The following ABCC6 variants were observed in gnomAD, a reference collection of about 807,000 sequenced individuals.
ABCC6 encodes the protein ATP-binding cassette sub-family C member 6.
In ABCC6, 126 loss-of-function variants were observed where a neutral mutation model predicts 169.5. The ratio of observed to expected loss-of-function variants is 0.74; its 90% CI spans 0.64 to 0.86. ABCC6 has a LOEUF of 0.86. Ranked by LOEUF, ABCC6 falls within the 40% of genes least tolerant of loss-of-function variation. The pLI is 0.00. For missense variants in ABCC6, 1,733 were observed against 1,927.2 expected, an observed-to-expected ratio of 0.90 and a Z score of 1.89; for synonymous variants, 752 against 814.7, an observed-to-expected ratio of 0.92 and a Z score of 1.31.
intron 29 of ABCC6, among the ~76,000 whole-genome samples, chr16:16,152,915 G>C (rs907847204): frequency 2.9e-5 from 4 of 138,096 alleles, no homozygotes; most frequent in Admixed American, 2.9e-4. Context: ...TGTTTTTTTT[G>C]AGACGGAGTC....
chr16:16,188,665 C>T (rs1021894298), intron 13 of ABCC6, among the ~76,000 whole-genome samples, 166 bp downstream of exon 13: 10 of 152,188 alleles, frequency 6.6e-5, no homozygotes, highest in African/African-American at 2.2e-4. Flanking sequence ...TACTCTCTGC[C>T]CGCCTCTGTT....
At chr16:16,172,225 A>C (rs1206964157) in intron 21 of ABCC6, among the ~76,000 whole-genome samples, 3 of 144,462 alleles carry the variant, frequency 2.1e-5, no homozygotes, top group Non-Finnish European at 4.6e-5. Context: ...AGTGGGATGG[A>C]TAAATGGGTG....
chr16:16,173,142 T>C, intron 21 of ABCC6, 142 bp downstream of exon 21: 1 of 1,096,888 alleles, frequency 9.1e-7, no homozygotes, highest in Non-Finnish European at 1.3e-6. Flanking sequence ...ATTAAGAAAA[T>C]GAACATCTAG....
chr16:16,175,950 C>T lies in ABCC6; in HGVS notation c.2627G>A (p.Gly876Asp), dbSNP rs149081681. Reference sequence around the variant, plus strand: ...CTCGGGCCTCCTGCCTGCAGAGGTGCCTCTGGGGTCCTTGGTGCTGGTCCC... The same window carrying T: ...CTCGGGCCTCCTGCCTGCAGAGGTGTCTCTGGGGTCCTTGGTGCTGGTCCC... ...EPGTSTKDPR[G>D]TSAGRRPELR... Residue 876 changes from glycine (G) to aspartate (D), a missense_variant, in exon 20 of 31, where the codon GGC becomes GAC. Transcript: ENST00000205557. 1.9e-6 allele frequency: 3 copies of T among 1,614,018 alleles called. No homozygotes were observed. The African/African-American group carries it at 4.0e-5, about 22-fold the overall frequency.
At chr16:16,159,987 A>G (rs111429714) in intron 25 of ABCC6, among the ~76,000 whole-genome samples, 1 of 151,934 alleles carries the variant, frequency 6.6e-6, no homozygotes. Context: ...GAACCACTCC[A>G]AGCTCCTCCC....
intron 19 of ABCC6, 101 bp downstream of exon 19, chr16:16,177,351 G>A (rs1248412084): frequency 1.5e-6 from 2 of 1,361,218 alleles, no homozygotes; most frequent in African/African-American, 1.4e-5. Context: ...CAGACAGGGT[G>A]TGGCCAGAGC....
chr16:16,208,827 C>T lies in ABCC6; in HGVS notation c.695G>A (p.Arg232Lys). 9 of 1,613,448 alleles carry T rather than the reference C, an allele frequency of 5.6e-6. No homozygotes were observed. The South Asian group carries it at 8.8e-5, about 16-fold the overall frequency. Reference sequence around the variant, plus strand: ...CCCAAGCGACCAGAGGTCTTTTGGTCTCAGTGGCCTCCTGTATCCCCTCCA... The same window carrying T: ...CCCAAGCGACCAGAGGTCTTTTGGTTTCAGTGGCCTCCTGTATCCCCTCCA... ...LVWRGYRRPL[R>K]PKDLWSLGRE... The change falls in exon 7 of 31, where the codon AGA becomes AAA. Residue 232 changes from arginine (R) to lysine (K), a missense_variant. Arg to Lys is a conservative substitution (Grantham distance 26). Around this residue, in one of 5 missense-constraint regions of ABCC6, gnomAD observed 49 missense variants for 85.8 expected, o/e 0.57. Coordinates refer to ENST00000205557, the MANE Select transcript of ABCC6 (RefSeq NM_001171.6).
chr16:16,198,134 C>T lies in ABCC6; in HGVS notation c.1225G>A (p.Val409Met). 5 of 1,611,126 alleles carry T rather than the reference C, an allele frequency of 3.1e-6. No individual in the cohort carries two copies. Among genetic ancestry groups the T allele is most frequent in the Non-Finnish European group, 3.4e-6 (4 of 1,178,720 alleles). The change falls in exon 10 of 31, where the codon GTG becomes ATG. Residue 409 changes from valine to methionine, a missense_variant. Physicochemically the swap from Val to Met is conservative, Grantham distance 21. Transcript: ENST00000205557. ...GSRKASAVGD[V>M]VNLVSVDVQR... ...ACGTCCACGGACACCAGATTGACCA[C>T]ATCACCCACCGCACTGGCCTTTCTG...
At chr16:16,202,531 A>C (rs1165970519) in intron 8 of ABCC6, among the ~76,000 whole-genome samples, 1 of 150,346 alleles carries the variant, frequency 6.7e-6, no homozygotes, top group Non-Finnish European at 1.5e-5. Context: ...AATGAAGTTA[A>C]AAATGAGGTC....
chr16:16,151,349 C>T (rs1567461416), intron 29 of ABCC6, among the ~76,000 whole-genome samples: 4 of 152,360 alleles, frequency 2.6e-5, no homozygotes, highest in Admixed American at 1.3e-4. Flanking sequence ...AGCCACTGCG[C>T]CCCGGTAGTT....
chr16:16,196,489 C>T lies in ABCC6; in HGVS notation c.1338+1532G>A, dbSNP rs141629428. Among the ~76,000 whole-genome samples, 685 of 152,296 alleles carry T rather than the reference C, an allele frequency of 4.5e-3. 5 individuals carry two copies. The highest frequency in any genetic ancestry group is 0.016 in the African/African-American group (653 of 41,562). On this transcript the variant is annotated intron_variant, in intron 10 of 30. Transcript: ENST00000205557. ...CTACAGGGTGCAGTTGTGTGCCCGG[C>T]ACCCTTTTAAGTGCTTTCTACATAT...
At chr16:16,198,657 C>T (rs935411854) in intron 9 of ABCC6, among the ~76,000 whole-genome samples, 3 of 150,976 alleles carry the variant, frequency 2.0e-5, no homozygotes, top group East Asian at 2.0e-4. Context: ...GAAACCAGCC[C>T]GCGCGACATA....
At chr16:16,172,229 ATGGG>A (rs2047123290) in intron 21 of ABCC6, among the ~76,000 whole-genome samples, 1 of 144,758 alleles carries the variant, frequency 6.9e-6, no homozygotes, top group Non-Finnish European at 1.5e-5. Flanking sequence ...GGATGGATAA[ATGGG>A]TGGGTGGGAT....
At chr16:16,201,757 G>T (rs891345454) in intron 9 of ABCC6, among the ~76,000 whole-genome samples, 4 of 152,184 alleles carry the variant, frequency 2.6e-5, no homozygotes, top group African/African-American at 7.2e-5. Context: ...GAACCCGGGA[G>T]GCGGAGGTTG....
Position 16,221,757 on chromosome 16 carries a change from G to A in ABCC6, c.111C>T (p.Val37=). 6.2e-7 allele frequency: 1 copy of A among 1,613,696 alleles called. No individual in the cohort carries two copies. Among genetic ancestry groups the A allele is most frequent in the Non-Finnish European group, 8.5e-7 (1 of 1,179,730 alleles). Reference sequence around the variant, plus strand: ...CCCAGAGGTACATGGGGGGTACCCAGACCCCTGCTGTTCTCAGGAAGCACA... The same window carrying A: ...CCCAGAGGTACATGGGGGGTACCCAAACCCCTGCTGTTCTCAGGAAGCACA... ...LSLCFLRTAG[V]WVPPMYLWVL... is the part of the protein sequence containing the mutation. Residue 37 remains valine (V), a synonymous_variant, in exon 2 of 31, where the codon GTC becomes GTT. Coordinates refer to ENST00000205557, the MANE Select transcript of ABCC6 (RefSeq NM_001171.6).
Position 16,187,197 on chromosome 16 carries a change from A to G in ABCC6, c.1794T>C (p.Phe598=). 6.2e-7 allele frequency: 1 copy of G among 1,613,672 alleles called. No individual in the cohort carries two copies. Among genetic ancestry groups the G allele is most frequent in the African/African-American group, 1.3e-5 (1 of 75,042 alleles). ...GGCAGAGGAAGGTGACCAGACGGTCAAAGGACACCCGGGCCTAGGAAAACC... is the reference window on the plus strand; with the variant it reads ...GGCAGAGGAAGGTGACCAGACGGTCGAAGGACACCCGGGCCTAGGAAAACC... ...IHSLVQARVS[F]DRLVTFLCLE... The change falls in exon 14 of 31, where the codon TTT becomes TTC. Residue 598 remains phenylalanine (F), a synonymous_variant. Transcript: ENST00000205557.
rs1302780789 is a variant in ABCC6 at position 16,182,476 on chromosome 16, G to C, written c.2183C>G (p.Ala728Gly). ...GTCCACATCTGGCTGCAGGGCACAG[G>C]CTTCTAGTACTCTCTCCAGCCAGGG... Reference protein sequence around the residue: ...DPPWLERVLEACALQPDVDSF... With the variant: ...DPPWLERVLEGCALQPDVDSF... The change falls in exon 17 of 31, where the codon GCC becomes GGC. Residue 728 changes from alanine to glycine, a missense_variant. This residue lies in a region of ABCC6 where 1,601 missense variants were observed against 1,635.5 expected (regional missense o/e 0.98). Transcript: ENST00000205557. 20 of 1,614,146 alleles carry C rather than the reference G, an allele frequency of 1.2e-5. No individual in the cohort carries two copies. Among genetic ancestry groups the C allele is most frequent in the Non-Finnish European group, 1.7e-5 (20 of 1,180,034 alleles).
intron 29 of ABCC6, among the ~76,000 whole-genome samples, chr16:16,152,882 C>T (rs970313070): frequency 6.7e-6 from 1 of 148,680 alleles, no homozygotes; most frequent in Non-Finnish European, 1.5e-5. Flanking sequence ...GTTTATAAAT[C>T]CAGAACACCT....
intron 21 of ABCC6, among the ~76,000 whole-genome samples, chr16:16,172,054 TGGATAAATGAGTGGGTG>T (rs2047104949): frequency 5.4e-5 from 1 of 18,362 alleles, no homozygotes; most frequent in Non-Finnish European, 9.5e-5. Context: ...ATGAGTGGGA[TGGATAAATGAGTGGGTG>T]GGATGGATAA....
Sources: gnomAD v4.1 joint callset for allele counts (sites outside exome capture counted in the v4.1 genomes callset) on GRCh38, gnomAD v4.1.1 for gene constraint, gnomAD v4.1.1 regional missense constraint, MANE v1.5 for transcripts, NCBI Gene and HGNC (gene_info 2026-07-23, HGNC 2026-07-21) for gene names.